Variants in RIGI observed in about 807,000 individuals in gnomAD.
RIGI encodes antiviral innate immune response receptor RIG-I.
the RIGI span, among the ~76,000 whole-genome samples, chr9:32,502,875 C>T: frequency 2.0e-5 from 3 of 152,210 alleles, no homozygotes; most frequent in African/African-American, 7.2e-5. Flanking sequence ...TAGAGGGACA[C>T]CAGTCATATT....
chr9:32,526,034 C>G, the RIGI span: 1 of 1,565,684 alleles, frequency 6.4e-7, no homozygotes, highest in Non-Finnish European at 8.8e-7. Flanking sequence ...TGTTTTCCGC[C>G]GAGAAGGCGC....
At chr9:32,495,800 C>T in the RIGI span, among the ~76,000 whole-genome samples, 2 of 151,924 alleles carry the variant, frequency 1.3e-5, no homozygotes, top group African/African-American at 4.8e-5. Flanking sequence ...GCTGGGACTA[C>T]AGGCGTGTGA....
At chr9:32,481,308 C>A in the RIGI span, 3 of 1,600,454 alleles carry the variant, frequency 1.9e-6, no homozygotes. Context: ...GGTGCTGTGA[C>A]CAGAATACGA....
chr9:32,486,141 G>T, the RIGI span, among the ~76,000 whole-genome samples: 1 of 152,154 alleles, frequency 6.6e-6, no homozygotes, highest in Non-Finnish European at 1.5e-5. Flanking sequence ...AACCGTAGCA[G>T]TTCTCTAACA....
chr9:32,474,883 G>T, the RIGI span, among the ~76,000 whole-genome samples: 1 of 152,056 alleles, frequency 6.6e-6, no homozygotes, highest in Non-Finnish European at 1.5e-5. Flanking sequence ...GATATACTAT[G>T]GTCATGGATT....
At chr9:32,500,976 GA>G in the RIGI span, 1 of 1,607,424 alleles carries the variant, frequency 6.2e-7, no homozygotes, top group Non-Finnish European at 8.5e-7. Context: ...TCAAACTGCA[GA>G]ACTATTAATC....
the RIGI span, among the ~76,000 whole-genome samples, chr9:32,511,666 A>G: frequency 6.6e-6 from 1 of 152,236 alleles, no homozygotes; most frequent in Non-Finnish European, 1.5e-5. Flanking sequence ...ATCACAATTA[A>G]AAGAACCAGA....
At chr9:32,466,690 CAAAAAAAAAAAAAA>C in the RIGI span, among the ~76,000 whole-genome samples, 18 of 68,604 alleles carry the variant, frequency 2.6e-4, no homozygotes, top group Admixed American at 7.7e-4. Context: ...AGACCTATCT[CAAAAAAAAAAAAAA>C]AAAAAAAAAA....
At chr9:32,516,193 T>C in the RIGI span, among the ~76,000 whole-genome samples, 7 of 152,202 alleles carry the variant, frequency 4.6e-5, no homozygotes, top group Non-Finnish European at 8.8e-5. Flanking sequence ...TCATTCATCA[T>C]GATTGCTTCC....
the RIGI span, among the ~76,000 whole-genome samples, chr9:32,494,573 T>C: frequency 6.6e-6 from 1 of 152,200 alleles, no homozygotes; most frequent in Non-Finnish European, 1.5e-5. Flanking sequence ...ATCTTAACTA[T>C]TTTTAAATGT....
the RIGI span, among the ~76,000 whole-genome samples, chr9:32,505,112 ATTAAAG>A: frequency 6.8e-6 from 1 of 147,004 alleles, no homozygotes; most frequent in African/African-American, 2.5e-5. Flanking sequence ...ATATGTCACA[ATTAAAG>A]TTAACCAATG....
the RIGI span, among the ~76,000 whole-genome samples, chr9:32,497,604 A>G: frequency 6.6e-6 from 1 of 152,150 alleles, no homozygotes; most frequent in East Asian, 1.9e-4. Flanking sequence ...AAAATTAGCC[A>G]GGCATGGCGG....
the RIGI span, among the ~76,000 whole-genome samples, chr9:32,514,113 T>G: frequency 1.3e-5 from 2 of 152,222 alleles, no homozygotes; most frequent in Non-Finnish European, 2.9e-5. Flanking sequence ...AGGAACGCTT[T>G]TACACTTTTG....
At chr9:32,462,218 C>T in the RIGI span, among the ~76,000 whole-genome samples, 1 of 152,108 alleles carries the variant, frequency 6.6e-6, no homozygotes, top group East Asian at 1.9e-4. Context: ...GTAAGTAAAG[C>T]ATTTGCAGGG....
At chr9:32,481,815 C>T in the RIGI span, among the ~76,000 whole-genome samples, 1 of 152,158 alleles carries the variant, frequency 6.6e-6, no homozygotes, top group Non-Finnish European at 1.5e-5. Flanking sequence ...AAACTCCTGA[C>T]CTCAGGTGAT....
At chr9:32,470,011 G>A in the RIGI span, among the ~76,000 whole-genome samples, 1 of 152,194 alleles carries the variant, frequency 6.6e-6, no homozygotes, top group South Asian at 2.1e-4. Context: ...ACCATTCAAA[G>A]TCATGAAAAT....
the RIGI span, chr9:32,466,143 A>G: frequency 2.5e-6 from 2 of 809,710 alleles, no homozygotes; most frequent in Non-Finnish European, 3.9e-6. Context: ...TGACATTTAA[A>G]AACAGAATGA....
chr9:32,461,011 G>A, the RIGI span, among the ~76,000 whole-genome samples: 1 of 146,020 alleles, frequency 6.8e-6, no homozygotes. Flanking sequence ...TTAAATTTAT[G>A]AAAACTGAAG....
chr9:32,477,105 A>G, the RIGI span: 1 of 1,614,026 alleles, frequency 6.2e-7, no homozygotes, highest in South Asian at 1.1e-5. Flanking sequence ...GGATCCCTGG[A>G]AACACTTTCT....
Sources: allele counts gnomAD v4.1 joint callset (sites outside exome capture counted in the v4.1 genomes callset), GRCh38; gene constraint gnomAD v4.1.1; transcripts MANE v1.5; gene names NCBI Gene and HGNC (gene_info 2026-07-23, HGNC 2026-07-21).